The following KLF12 variants were observed in gnomAD, a reference collection of about 807,000 sequenced individuals.
The protein encoded by KLF12 is KLF transcription factor 12, also known as Krueppel-like factor 12.
A neutral mutation model predicts 37.8 loss-of-function variants in KLF12; 9 were observed. The ratio of observed to expected loss-of-function variants is 0.24; its 90% CI spans 0.14 to 0.42. The LOEUF is 0.42. Ranked by LOEUF, KLF12 falls within the 10% of genes least tolerant of loss-of-function variation. The probability of loss-of-function intolerance (pLI) is 1.00; values close to 1 mark genes in which losing one functional copy is unlikely to be tolerated. For missense variants in KLF12, 411 were observed against 516.0 expected (o/e 0.80, Z 1.97); for synonymous variants, 208 against 202.1 (o/e 1.03, Z -0.25).
At chr13:74,040,545 C>CT (rs1893374162) in intron 1 of KLF12, among the ~76,000 whole-genome samples, 1 of 151,838 alleles carries the variant, frequency 6.6e-6, no homozygotes, top group African/African-American at 2.4e-5. Context: ...TCAGTGCCAA[C>CT]ATCAGAATGC....
At chr13:74,257,429 G>T in the KLF12 span, 1 of 152,220 alleles carries the variant, frequency 6.6e-6, no homozygotes, top group Non-Finnish European at 1.5e-5. Flanking sequence ...TGCAGCCATA[G>T]GAAAACGGTA....
chr13:73,805,179 C>T (rs1401193240), intron 5 of KLF12, among the ~76,000 whole-genome samples: 2 of 152,122 alleles, frequency 1.3e-5, no homozygotes, highest in African/African-American at 2.4e-5. Context: ...AAACACTCTA[C>T]TATTTTACAT....
chr13:74,140,864 T>TA, the KLF12 span, among the ~76,000 whole-genome samples: 1 of 152,022 alleles, frequency 6.6e-6, no homozygotes, highest in Non-Finnish European at 1.5e-5. Flanking sequence ...CCATCCTGGC[T>TA]AACATGGTGA....
intron 1 of KLF12, among the ~76,000 whole-genome samples, chr13:74,115,962 TATTCCCAGG>T (rs1189113671): frequency 1.3e-5 from 2 of 152,178 alleles, no homozygotes; most frequent in Admixed American, 6.6e-5. Flanking sequence ...AATATTCACA[TATTCCCAGG>T]ATTCACACGT....
intron 5 of KLF12, among the ~76,000 whole-genome samples, chr13:73,774,700 T>C (rs1411075977): frequency 6.6e-6 from 1 of 152,206 alleles, no homozygotes; most frequent in Admixed American, 6.5e-5. Context: ...CATTCTCAAG[T>C]TATTTCAAAA....
the KLF12 span, among the ~76,000 whole-genome samples, chr13:74,269,786 T>C: frequency 6.6e-6 from 1 of 152,214 alleles, no homozygotes; most frequent in Non-Finnish European, 1.5e-5. Flanking sequence ...GTCTTTCTCA[T>C]GAGCTAGTGT....
Position 73,694,483 on chromosome 13 carries a change from T to C in KLF12, c.*1007A>G, listed in dbSNP as rs551486371. 6 of 152,794 alleles carry C rather than the reference T, an allele frequency of 3.9e-5. No individual in the cohort carries two copies. In the East Asian group the frequency reaches 9.6e-4, roughly 25 times the overall value. 9.5% of individuals were successfully genotyped at this position (152,794 alleles called of 1,614,324 possible). ...TGTAGGAAAGTCCTTTTATTCATTA[T>C]TGCTTTTCTCCTCAAGAGGCGCATT... On this transcript the variant is annotated 3_prime_UTR_variant, in exon 8 of 8. Transcript: ENST00000377669.
At chr13:74,179,395 A>C in the KLF12 span, among the ~76,000 whole-genome samples, 1 of 152,252 alleles carries the variant, frequency 6.6e-6, no homozygotes, top group East Asian at 1.9e-4. Context: ...CATTGCATCA[A>C]GGAAGATGCT....
the KLF12 span, among the ~76,000 whole-genome samples, chr13:74,267,804 T>C: frequency 2.6e-5 from 4 of 152,190 alleles, no homozygotes; most frequent in Non-Finnish European, 5.9e-5. Flanking sequence ...ATTTGATTGC[T>C]ACATAGTATA....
chr13:74,017,136 A>C (rs570771654), intron 1 of KLF12, among the ~76,000 whole-genome samples: 1 of 151,962 alleles, frequency 6.6e-6, no homozygotes, highest in African/African-American at 2.4e-5. Context: ...TACTGTGTGT[A>C]TATCTTCATT....
chr13:73,784,636 T>C (rs1229902094), intron 5 of KLF12, among the ~76,000 whole-genome samples: 1 of 150,490 alleles, frequency 6.6e-6, no homozygotes, highest in Non-Finnish European at 1.5e-5. Flanking sequence ...ATCTCCTTTT[T>C]TTTTTTTTTT....
chr13:74,191,730 C>T, the KLF12 span, among the ~76,000 whole-genome samples: 1 of 152,088 alleles, frequency 6.6e-6, no homozygotes, highest in African/African-American at 2.4e-5. Context: ...CCTTAGCACC[C>T]TTGAAAACAA....
chr13:73,938,394 C>A (rs757785770), intron 3 of KLF12, among the ~76,000 whole-genome samples: 18 of 152,132 alleles, frequency 1.2e-4, no homozygotes, highest in Non-Finnish European at 2.5e-4. Context: ...GGTTCAGCTA[C>A]AATACCTGCA....
At position 73,692,012 on chromosome 13, in the gene KLF12, A is replaced by G. The variant is rs1397362016; in HGVS notation, c.*3478T>C. ...TTTTCCCACTTAAGCTTTCAAGTGA[A>G]TGAAAAGTGCTCATTTTTTTAAAAA... On this transcript the variant is annotated 3_prime_UTR_variant, in exon 8 of 8. Transcript: ENST00000377669. 1 of 152,626 alleles carries G rather than the reference A, an allele frequency of 6.6e-6. No homozygotes were observed. The highest frequency in any genetic ancestry group is 1.5e-5 in the Non-Finnish European group (1 of 68,028). 9.5% of individuals were successfully genotyped at this position (152,626 alleles called of 1,614,324 possible). A position where few individuals can be genotyped will look rare whatever the true frequency, so the allele number is the denominator to read the frequency against.
chr13:74,185,917 T>C, the KLF12 span, among the ~76,000 whole-genome samples: 6 of 152,194 alleles, frequency 3.9e-5, no homozygotes, highest in Non-Finnish European at 8.8e-5. Context: ...GTGCGGGGAT[T>C]ACAGGTGTCA....
At chr13:74,113,268 T>C (rs1484062864) in intron 1 of KLF12, among the ~76,000 whole-genome samples, 3 of 152,276 alleles carry the variant, frequency 2.0e-5, no homozygotes, top group African/African-American at 2.4e-5. Context: ...AAGGTGAATA[T>C]ACTAAAAAAC....
chr13:73,700,367 A>G (rs962376087), intron 7 of KLF12, among the ~76,000 whole-genome samples: 1 of 151,960 alleles, frequency 6.6e-6, no homozygotes, highest in African/African-American at 2.4e-5. Flanking sequence ...AAGGCATGTA[A>G]TAAGGAATGA....
rs540679210 is a variant in KLF12, at chr13:74,029,591, G to A, written c.-31-34538C>T. 8.2e-4 allele frequency among the ~76,000 whole-genome samples: 125 copies of A among 152,134 alleles called. 1 individual carries two copies. Among genetic ancestry groups the A allele is most frequent in the African/African-American group, 3.0e-3 (123 of 41,544 alleles). ...CAGTGATTTCTAAGGTAAGTATTTA[G>A]GAACCCTATTAACGGGTTTAGGCAT... On this transcript the variant is annotated intron_variant, in intron 1 of 7. Transcript: ENST00000377669.
chr13:73,854,890 A>G (rs1220687226), intron 3 of KLF12, among the ~76,000 whole-genome samples: 1 of 152,206 alleles, frequency 6.6e-6, no homozygotes, highest in African/African-American at 2.4e-5. Context: ...ATCGAGGGAC[A>G]ACTGTATATA....
Sources: allele counts gnomAD v4.1 joint callset (sites outside exome capture counted in the v4.1 genomes callset), GRCh38; gene constraint gnomAD v4.1.1; transcripts MANE v1.5; gene names NCBI Gene and HGNC (gene_info 2026-07-23, HGNC 2026-07-21).